PLG: variants seen among roughly 807,000 people sequenced by gnomAD.
PLG encodes the protein plasmin.
In PLG, 41 loss-of-function variants were observed where a neutral mutation model predicts 104.4. That is an observed-to-expected ratio of 0.39 (90% confidence interval 0.31 to 0.51). PLG has a LOEUF of 0.51. Ranked by LOEUF, PLG falls within the 20% of genes least tolerant of loss-of-function variation. PLG has a pLI of 0.76. For synonymous variants in PLG, 337 were observed against 357.1 expected (o/e 0.94, Z 0.63); for missense variants, 891 against 1,003.6 (o/e 0.89, Z 1.52).
At position 160,741,178 on chromosome 6, in the gene PLG, G is replaced by A. The variant is rs779226805; in HGVS notation, c.2019-133G>A. ...GTGAGGGTGAAACTCTGTGTTCTACGTTGCTCTGTGTCAGTGAAGCAAGGC... is the reference window on the plus strand; with the variant it reads ...GTGAGGGTGAAACTCTGTGTTCTACATTGCTCTGTGTCAGTGAAGCAAGGC... On this transcript the variant is annotated intron_variant, in intron 16 of 18. Transcript: ENST00000308192. The surrounding 1 kb of genome is among the most constrained non-coding windows in gnomAD (Gnocchi z 4.7). 6.6e-5 allele frequency: 47 copies of A among 711,174 alleles called. No homozygotes were observed. The highest frequency in any genetic ancestry group is 2.8e-4 in the Admixed American group (14 of 50,554). 44.1% of individuals were successfully genotyped at this position (711,174 alleles called of 1,614,324 possible). A position where few individuals can be genotyped will look rare whatever the true frequency, so the allele number is the denominator to read the frequency against.
intron 1 of PLG, among the ~76,000 whole-genome samples, chr6:160,704,380 A>C (rs895174332): frequency 6.6e-6 from 1 of 152,216 alleles, no homozygotes; most frequent in Non-Finnish European, 1.5e-5. Context: ...TTGAAGGGGG[A>C]AATAAATGGA....
rs1159797802 is a variant in PLG, at chr6:160,741,312, C to T, written c.2020C>T (p.Pro674Ser). 2 of 1,583,070 alleles carry T rather than the reference C, an allele frequency of 1.3e-6. No homozygotes were observed. Among genetic ancestry groups the T allele is most frequent in the Non-Finnish European group, 1.7e-6 (2 of 1,151,612 alleles). Residue 674 changes from proline to serine, a missense_variant and splice_region_variant, in exon 17 of 19, where the codon CCT (proline) becomes TCT (serine). By Grantham distance (74) the Pro-to-Ser change is moderately conservative. Coordinates refer to ENST00000308192, the MANE Select transcript of PLG (RefSeq NM_000301.5). This position sits in a 1 kb window ranked among gnomAD's most constrained non-coding sequence, Gnocchi z 4.7. ...KDIALLKLSS[P>S]AVITDKVIPA... Reference sequence around the variant, plus strand: ...TAACTGCTGATGCTTTTCTTTCAGTCCTGCCGTCATCACTGACAAAGTAAT... The same window carrying T: ...TAACTGCTGATGCTTTTCTTTCAGTTCTGCCGTCATCACTGACAAAGTAAT...
rs967704054 is a variant in PLG at position 160,726,180 on chromosome 6, T to C, written c.1256+3613T>C. Among the ~76,000 whole-genome samples the C allele has an allele frequency of 1.3e-5, 2 of 152,236 alleles. No individual in the cohort carries two copies. Among genetic ancestry groups the C allele is most frequent in the Admixed American group, 6.5e-5 (1 of 15,288 alleles). On this transcript the variant is annotated intron_variant, in intron 10 of 18. Coordinates refer to ENST00000308192, the MANE Select transcript of PLG (RefSeq NM_000301.5). The surrounding 1 kb of genome is among the most constrained non-coding windows in gnomAD (Gnocchi z 4.4). Reference sequence around the variant, plus strand: ...TATGCATGGAGCATTCCCCAACATATACCATATGTGTGGGCCTACAGCAAG... The same window carrying C: ...TATGCATGGAGCATTCCCCAACATACACCATATGTGTGGGCCTACAGCAAG...
intron 1 of PLG, chr6:160,706,039 G>A: frequency 8.0e-6 from 2 of 249,896 alleles, no homozygotes; most frequent in Non-Finnish European, 1.6e-5. Context: ...TTAGAGTCAG[G>A]GGTACATGTG....
At chr6:160,751,114 C>A (rs1007679283) in intron 17 of PLG, among the ~76,000 whole-genome samples, 13 of 152,116 alleles carry the variant, frequency 8.5e-5, no homozygotes, top group Non-Finnish European at 1.6e-4. Context: ...TCTAGTGGCA[C>A]GGTACACTGT....
At chr6:160,733,060 A>G (rs1330646818) in intron 12 of PLG, among the ~76,000 whole-genome samples, 2 of 152,148 alleles carry the variant, frequency 1.3e-5, no homozygotes, top group African/African-American at 2.4e-5. Context: ...ACTATCCAAG[A>G]ACCCACCAAG....
At position 160,749,255 on chromosome 6, in the gene PLG, T is replaced by G. The variant is rs1182575607; in HGVS notation, c.2126-2860T>G. 2.0e-5 allele frequency among the ~76,000 whole-genome samples: 3 copies of G among 152,098 alleles called. No individual in the cohort carries two copies. In the East Asian group the frequency reaches 5.8e-4, roughly 29 times the overall value. ...TGAGGATTAAGATTATGCCTCATGA[T>G]CATCATTATCATCATCACCATCCAC... On this transcript the variant is annotated intron_variant, in intron 17 of 18. Transcript: ENST00000308192.
At chr6:160,705,091 C>A (rs560119239) in intron 1 of PLG, among the ~76,000 whole-genome samples, 1 of 152,178 alleles carries the variant, frequency 6.6e-6, no homozygotes, top group Non-Finnish European at 1.5e-5. Flanking sequence ...GCCCCCACCA[C>A]GCCCCTCAAA....
intron 6 of PLG, 99 bp from the exon 7 acceptor site, chr6:160,716,546 G>A (rs1777735107): frequency 6.3e-6 from 5 of 797,828 alleles, no homozygotes; most frequent in Admixed American, 5.2e-5. Context: ...GCCCGACTGT[G>A]CCTAGCACAC....
chr6:160,712,093 G>C (rs1853016), intron 4 of PLG: 71,082 of 233,320 alleles, frequency 0.3, 12,295 homozygotes, highest in African/African-American at 0.49. Context: ...TTCCCCGTGA[G>C]TTAATGAAAA....
At chr6:160,733,567 T>C (rs1487523399) in intron 12 of PLG, among the ~76,000 whole-genome samples, 2 of 151,842 alleles carry the variant, frequency 1.3e-5, no homozygotes, top group Admixed American at 1.3e-4. Context: ...AGGCTGAGCA[T>C]GGTGGCTCAC....
At position 160,731,870 on chromosome 6, in the gene PLG, C is replaced by T. The variant is rs896552124; in HGVS notation, c.1564C>T (p.Pro522Ser). The T allele has an allele frequency of 3.7e-6, 6 of 1,614,020 alleles. No individual in the cohort carries two copies. In the African/African-American group the frequency reaches 8.0e-5, roughly 22 times the overall value. Residue 522 changes from proline to serine, a missense_variant, in exon 12 of 19, where the codon CCA becomes TCA. Transcript: ENST00000308192. This position sits in a 1 kb window ranked among gnomAD's most constrained non-coding sequence, Gnocchi z 5.1. Reference sequence around the variant, plus strand: ...CAGCATTTTCACTCCAGAGACAAATCCACGGGCGGGTCTGGAAAAAAATGT... The same window carrying T: ...CAGCATTTTCACTCCAGAGACAAATTCACGGGCGGGTCTGGAAAAAAATGT... ...RHSIFTPETN[P>S]RAGLEKNYCR...
intron 3 of PLG, among the ~76,000 whole-genome samples, chr6:160,709,357 C>T (rs1173390267): frequency 6.6e-6 from 1 of 152,170 alleles, no homozygotes; most frequent in African/African-American, 2.4e-5. Flanking sequence ...ACCCTATCAC[C>T]ACTGGTTGGG....
In PLG at chr6:160,738,657, T is replaced by C. The variant is rs1256971076; in HGVS notation, c.1877+45T>C. 8.2e-7 allele frequency: 1 copy of C among 1,224,972 alleles called. No individual in the cohort carries two copies. Among genetic ancestry groups the C allele is most frequent in the Admixed American group, 1.7e-5 (1 of 59,582 alleles). 75.9% of individuals were successfully genotyped at this position (1,224,972 alleles called of 1,614,324 possible). On this transcript the variant is annotated intron_variant, in intron 15 of 18. Coordinates refer to ENST00000308192, the MANE Select transcript of PLG (RefSeq NM_000301.5). The surrounding 1 kb of genome is among the most constrained non-coding windows in gnomAD (Gnocchi z 6.8). ...GACATGAAGTCTTGTCTTAAATACT[T>C]TTTCTGTCCTTCTTTTCCTCCTTTC...
intron 2 of PLG, 156 bp downstream of exon 2, chr6:160,706,698 C>T (rs748402389): frequency 2.0e-5 from 15 of 736,284 alleles, no homozygotes; most frequent in African/African-American, 1.6e-4. Context: ...ATACTAACAG[C>T]TTCTTGTTAA....
chr6:160,748,370 A>AGAGAG (rs1562383303), intron 17 of PLG, among the ~76,000 whole-genome samples: 14 of 41,442 alleles, frequency 3.4e-4, no homozygotes, highest in African/African-American at 1.1e-3. Context: ...GAAAGAAAGA[A>AGAGAG]AGAAAGAAAG....
intron 17 of PLG, among the ~76,000 whole-genome samples, chr6:160,743,964 T>C (rs151084159): frequency 6.7e-4 from 102 of 152,368 alleles, no homozygotes; most frequent in African/African-American, 2.2e-3. Context: ...ATCACATTTA[T>C]TGATTTATGT....
rs1777890107 is a variant in PLG at position 160,724,251 on chromosome 6, G to A, written c.1256+1684G>A. The stretch of plus-strand genomic sequence containing the variant: ...AAACATGAACATGGAAGAAACAAAT[G>A]GATAATATCAAAAAAGAAAAATTAT... On this transcript the variant is annotated intron_variant, in intron 10 of 18. Coordinates refer to ENST00000308192, the MANE Select transcript of PLG (RefSeq NM_000301.5). The surrounding 1 kb of genome is among the most constrained non-coding windows in gnomAD (Gnocchi z 5.0). 6.6e-6 allele frequency among the ~76,000 whole-genome samples: 1 copy of A among 151,612 alleles called. No homozygotes were observed. The highest frequency in any genetic ancestry group is 1.5e-5 in the Non-Finnish European group (1 of 67,920).
Position 160,728,270 on chromosome 6 carries a change from T to C in PLG, c.1257-2781T>C, listed in dbSNP as rs991549511. ...ATATGCACAAGAATTATGTACTGCA[T>C]ACTAAAAAACATTGTTAAGGAAGGA... On this transcript the variant is annotated intron_variant, in intron 10 of 18. Coordinates refer to ENST00000308192, the MANE Select transcript of PLG (RefSeq NM_000301.5). Among the ~76,000 whole-genome samples the C allele has an allele frequency of 1.0e-3, 6 of 5,932 alleles. No individual in the cohort carries two copies. The East Asian group carries it at 0.14, about 137-fold the overall frequency. 3.9% of individuals were successfully genotyped at this position (5,932 alleles called of 152,430 possible). A position where few individuals can be genotyped will look rare whatever the true frequency, so the allele number is the denominator to read the frequency against.
Sources: allele counts gnomAD v4.1 joint callset (sites outside exome capture counted in the v4.1 genomes callset), GRCh38; gene constraint gnomAD v4.1.1; non-coding constraint Gnocchi (gnomAD v3.1); transcripts MANE v1.5; gene names NCBI Gene and HGNC (gene_info 2026-07-23, HGNC 2026-07-21).